TMEM200A: variants seen among roughly 807,000 people sequenced by gnomAD.
TMEM200A encodes the protein two transmembrane C.
A neutral mutation model predicts 24.3 loss-of-function variants in TMEM200A; 12 were observed. That is an observed-to-expected ratio of 0.49 (90% confidence interval 0.32 to 0.80). TMEM200A has a LOEUF of 0.80. TMEM200A is among the 30% of genes least tolerant of loss of function. The pLI is 0.04. For synonymous variants in TMEM200A, 224 were observed against 224.4 expected (o/e 1.00, Z 0.02); for missense variants, 545 against 614.4 (o/e 0.89, Z 1.19).
intron 2 of TMEM200A, among the ~76,000 whole-genome samples, chr6:130,419,389 AGG>A (rs1199311950): frequency 1.3e-5 from 2 of 152,178 alleles, no homozygotes; most frequent in Admixed American, 1.3e-4. Flanking sequence ...ATGGGAGTAC[AGG>A]CATCTTTTTG....
chr6:130,406,002 C>T (rs570112127), intron 2 of TMEM200A, among the ~76,000 whole-genome samples: 1 of 152,262 alleles, frequency 6.6e-6, no homozygotes, highest in South Asian at 2.1e-4. Context: ...TCTATCATTC[C>T]CTGGCTTCTG....
rs77519811 is a variant in TMEM200A at position 130,396,364 on chromosome 6, G to GTT, written c.-17+11143_-17+11144dup. 7.2e-3 allele frequency among the ~76,000 whole-genome samples: 964 copies of GTT among 133,352 alleles called. 11 individuals are homozygous for GTT. The highest frequency in any genetic ancestry group is 0.02 in the African/African-American group (728 of 37,310). The allele number at this position is 133,352 out of a possible 152,430, so 87.5% of individuals were successfully genotyped here. A position where few individuals can be genotyped will look rare whatever the true frequency, so the allele number is the denominator to read the frequency against. On this transcript the variant is annotated intron_variant, in intron 2 of 2. Transcript: ENST00000296978. ...ACTTATTTTGGATTCTGACCAGTCTGTTTTTTTTTTTTTTTTAAACTAAGA... is the reference window on the plus strand; with the variant it reads ...ACTTATTTTGGATTCTGACCAGTCTGTTTTTTTTTTTTTTTTTTAAACTAAGA...
chr6:130,373,061 G>A (rs1394394661), intron 1 of TMEM200A, among the ~76,000 whole-genome samples: 2 of 151,930 alleles, frequency 1.3e-5, no homozygotes, highest in Non-Finnish European at 2.9e-5. Context: ...AACTGCTGGG[G>A]AGAAAAAAAA....
At chr6:130,421,753 T>A (rs1032339748) in intron 2 of TMEM200A, among the ~76,000 whole-genome samples, 1 of 152,126 alleles carries the variant, frequency 6.6e-6, no homozygotes, top group Non-Finnish European at 1.5e-5. Flanking sequence ...GAACTTGATG[T>A]TTTTAGATTC....
At position 130,442,695 on chromosome 6, in the gene TMEM200A, G is replaced by A. The variant is rs568870399; in HGVS notation, c.*797G>A. ...ATCCTGAAATAATTATATACATGAA[G>A]ACAATGTTGACTAATGAATTAAGAT... On this transcript the variant is annotated 3_prime_UTR_variant, in exon 3 of 3. Transcript: ENST00000296978. 1.2e-5 allele frequency: 2 copies of A among 166,822 alleles called. No individual in the cohort carries two copies. The highest frequency in any genetic ancestry group is 2.1e-4 in the South Asian group (1 of 4,814). The allele number at this position is 166,822 out of a possible 1,614,324, so 10.3% of individuals were successfully genotyped here.
chr6:130,397,140 C>T (rs1010258229), intron 2 of TMEM200A, among the ~76,000 whole-genome samples: 7 of 152,026 alleles, frequency 4.6e-5, no homozygotes, highest in African/African-American at 1.7e-4. Flanking sequence ...TTATATCATC[C>T]ATCCCTTATT....
At position 130,422,413 on chromosome 6, in the gene TMEM200A, T is replaced by C. The variant is rs371637310; in HGVS notation, c.-16-17994T>C. Among the ~76,000 whole-genome samples, 23 of 152,114 alleles carry C rather than the reference T, an allele frequency of 1.5e-4. No individual in the cohort carries two copies. The East Asian group carries it at 4.1e-3, about 27-fold the overall frequency. On this transcript the variant is annotated intron_variant, in intron 2 of 2. Coordinates refer to ENST00000296978, the MANE Select transcript of TMEM200A (RefSeq NM_001258277.2). Reference sequence around the variant, plus strand: ...CCTCCTAAGCAGCTGGGACTAAAAATGCATGCCACCACACCCAGCTAATTT... The same window carrying C: ...CCTCCTAAGCAGCTGGGACTAAAAACGCATGCCACCACACCCAGCTAATTT...
chr6:130,415,929 G>GT (rs1433035875), intron 2 of TMEM200A, among the ~76,000 whole-genome samples: 1 of 151,984 alleles, frequency 6.6e-6, no homozygotes, highest in Non-Finnish European at 1.5e-5. Flanking sequence ...GTTTCAAAGT[G>GT]TTTTATATAC....
At chr6:130,411,292 TAA>T (rs981559303) in intron 2 of TMEM200A, among the ~76,000 whole-genome samples, 5 of 152,212 alleles carry the variant, frequency 3.3e-5, no homozygotes, top group Admixed American at 1.3e-4. Context: ...ATGCCATTTT[TAA>T]AAGAGTTTTT....
At chr6:130,370,048 G>GCTT (rs1465767996) in intron 1 of TMEM200A, among the ~76,000 whole-genome samples, 1 of 152,182 alleles carries the variant, frequency 6.6e-6, no homozygotes, top group African/African-American at 2.4e-5. Context: ...GGTGGTCCTT[G>GCTT]CTTCAATCAT....
At chr6:130,427,230 CAAT>C (rs1260563024) in intron 2 of TMEM200A, among the ~76,000 whole-genome samples, 3 of 152,132 alleles carry the variant, frequency 2.0e-5, no homozygotes, top group African/African-American at 7.2e-5. Context: ...TTGCATAGGT[CAAT>C]AATACAGTTA....
intron 2 of TMEM200A, among the ~76,000 whole-genome samples, chr6:130,392,704 T>G (rs1282494365): frequency 6.6e-6 from 1 of 152,244 alleles, no homozygotes; most frequent in East Asian, 1.9e-4. Flanking sequence ...TACTCATTTT[T>G]AAGATACAGC....
At chr6:130,375,282 CACA>C (rs1778425664) in intron 1 of TMEM200A, among the ~76,000 whole-genome samples, 1 of 152,170 alleles carries the variant, frequency 6.6e-6, no homozygotes, top group African/African-American at 2.4e-5. Context: ...GATCTTCTTA[CACA>C]ACAATAACGC....
intron 2 of TMEM200A, among the ~76,000 whole-genome samples, chr6:130,389,262 C>G (rs957937581): frequency 2.6e-5 from 4 of 152,112 alleles, no homozygotes; most frequent in African/African-American, 9.7e-5. Flanking sequence ...AGTCACACAA[C>G]AAGATATAAG....
At position 130,440,727 on chromosome 6, in the gene TMEM200A, C is replaced by G; in HGVS notation, c.305C>G (p.Thr102Ser). 2.5e-6 allele frequency: 4 copies of G among 1,614,020 alleles called. No individual in the cohort carries two copies. Among genetic ancestry groups the G allele is most frequent in the Non-Finnish European group, 3.4e-6 (4 of 1,179,986 alleles). ...DAETTLSTNE[T>S]QVIRNEGGVV... Reference sequence around the variant, plus strand: ...GAAACAACACTGTCAACAAATGAAACTCAGGTCATTCGGAATGAAGGCGGT... The same window carrying G: ...GAAACAACACTGTCAACAAATGAAAGTCAGGTCATTCGGAATGAAGGCGGT... The change falls in exon 3 of 3, where the codon ACT becomes AGT. Residue 102 changes from threonine (T) to serine (S), a missense_variant. By Grantham distance (58) the Thr-to-Ser change is moderately conservative (BLOSUM62 1). Transcript: ENST00000296978.
At chr6:130,421,510 T>TTGTGTGTGTGTG (rs60156754) in intron 2 of TMEM200A, among the ~76,000 whole-genome samples, 2,689 of 149,006 alleles carry the variant, frequency 0.018, 48 homozygotes, top group Admixed American at 0.037. Context: ...ACAGTTACCT[T>TTGTGTGTGTGTG]TGTGTGTGTG....
chr6:130,369,376 C>G lies in TMEM200A; in HGVS notation c.-81+2852C>G, dbSNP rs139763914. On this transcript the variant is annotated intron_variant, in intron 1 of 2. Coordinates refer to ENST00000296978, the MANE Select transcript of TMEM200A (RefSeq NM_001258277.2). ...GAGAAGCTAAAGCTCACTTTGGAAA[C>G]CCTGAGTAAACAGGAGAGAGACATA... Among the ~76,000 whole-genome samples the G allele has an allele frequency of 3.2e-3, 491 of 152,244 alleles. 1 individual carries two copies. The highest frequency in any genetic ancestry group is 0.011 in the African/African-American group (443 of 41,534).
At chr6:130,408,969 C>T (rs1170911207) in intron 2 of TMEM200A, among the ~76,000 whole-genome samples, 3 of 152,230 alleles carry the variant, frequency 2.0e-5, no homozygotes, top group South Asian at 4.1e-4. Context: ...TATTCCCAGA[C>T]AGTGACTGAG....
intron 2 of TMEM200A, among the ~76,000 whole-genome samples, chr6:130,398,238 T>G (rs1329964062): frequency 6.6e-6 from 1 of 152,164 alleles, no homozygotes; most frequent in Non-Finnish European, 1.5e-5. Flanking sequence ...TTTCGATTCC[T>G]GTGTAGTTCT....
Sources: gnomAD v4.1 joint callset for allele counts (sites outside exome capture counted in the v4.1 genomes callset) on GRCh38, gnomAD v4.1.1 for gene constraint, MANE v1.5 for transcripts, NCBI Gene and HGNC (gene_info 2026-07-23, HGNC 2026-07-21) for gene names.